CHD9: variants seen among roughly 807,000 people sequenced by gnomAD.
The protein encoded by CHD9 is chromodomain helicase DNA binding protein 9.
In CHD9, 77 loss-of-function variants were observed where a neutral mutation model predicts 316.1. The observed-to-expected ratio is 0.24, with a 90% CI of 0.20 to 0.29. The LOEUF is 0.29. Among genes scored for constraint, CHD9 ranks in the 10% least tolerant of loss-of-function variants. The pLI is 1.00. For missense variants in CHD9, 2,763 were observed against 3,438.1 expected, an observed-to-expected ratio of 0.80 and a Z score of 4.91; for synonymous variants, 1,129 against 1,158.3, an observed-to-expected ratio of 0.97 and a Z score of 0.51.
chr16:53,304,673 CTTTTCTTTTCTTTT>C, intron 31 of CHD9, 48 bp downstream of exon 31: 1 of 1,144,244 alleles, frequency 8.7e-7, no homozygotes, highest in Non-Finnish European at 1.2e-6. Context: ...CTTTTCTTTT[CTTTTCTTTTCTTTT>C]CTTTTCTTTT....
intron 1 of CHD9, among the ~76,000 whole-genome samples, chr16:53,128,734 G>C (rs2039084287): frequency 6.6e-6 from 1 of 152,158 alleles, no homozygotes; most frequent in Non-Finnish European, 1.5e-5. Flanking sequence ...AGAAACCACA[G>C]TTACTGAGAA....
At chr16:53,229,499 C>T (rs1754969107) in intron 8 of CHD9, among the ~76,000 whole-genome samples, 1 of 152,130 alleles carries the variant, frequency 6.6e-6, no homozygotes, top group Non-Finnish European at 1.5e-5. Flanking sequence ...TGTATGTGAA[C>T]AGAACCTCTG....
chr16:53,317,854 G>A (rs2056996143), intron 36 of CHD9, among the ~76,000 whole-genome samples: 1 of 152,032 alleles, frequency 6.6e-6, no homozygotes, highest in African/African-American at 2.4e-5. Context: ...AAGAGTTCAA[G>A]ATCAGCCTGG....
At chr16:53,229,923 T>C (rs1203719509) in intron 8 of CHD9, among the ~76,000 whole-genome samples, 1 of 152,206 alleles carries the variant, frequency 6.6e-6, no homozygotes, top group East Asian at 1.9e-4. Flanking sequence ...CTAGTGTTTT[T>C]ATAACAAAAA....
chr16:53,080,642 T>C (rs988120729), intron 1 of CHD9, among the ~76,000 whole-genome samples: 1 of 152,136 alleles, frequency 6.6e-6, no homozygotes, highest in African/African-American at 2.4e-5. Flanking sequence ...CAAAAAGAAA[T>C]CTGTTGAGCC....
At chr16:53,142,344 C>A (rs141178183) in intron 1 of CHD9, among the ~76,000 whole-genome samples, 2 of 152,320 alleles carry the variant, frequency 1.3e-5, no homozygotes, top group East Asian at 3.9e-4. Flanking sequence ...TCAAGAGATC[C>A]GCCTGCCTTG....
intron 15 of CHD9, 110 bp from the exon 16 acceptor site, chr16:53,247,182 GA>G (rs2152959244): frequency 2.7e-6 from 2 of 740,356 alleles, no homozygotes; most frequent in Non-Finnish European, 4.4e-6. Flanking sequence ...CATGCCATTA[GA>G]AAATTATGTT....
intron 32 of CHD9, among the ~76,000 whole-genome samples, chr16:53,307,293 C>T (rs371412469): frequency 2.0e-5 from 3 of 152,126 alleles, no homozygotes; most frequent in African/African-American, 7.2e-5. Context: ...TTGTGAGACA[C>T]GGTCTTACTC....
chr16:53,290,153 A>C (rs544042103), intron 27 of CHD9, among the ~76,000 whole-genome samples: 61 of 152,300 alleles, frequency 4.0e-4, no homozygotes, highest in Non-Finnish European at 7.6e-4. Context: ...ATGTACCTGT[A>C]ATCCCAGCTA....
chr16:53,109,247 G>A (rs1286167611), intron 1 of CHD9, among the ~76,000 whole-genome samples: 2 of 152,160 alleles, frequency 1.3e-5, no homozygotes, highest in African/African-American at 4.8e-5. Context: ...TTAGTGACAC[G>A]TCTCCTGAGG....
At chr16:53,240,651 G>T (rs899154714) in intron 12 of CHD9, among the ~76,000 whole-genome samples, 1 of 150,120 alleles carries the variant, frequency 6.7e-6, no homozygotes, top group Non-Finnish European at 1.5e-5. Flanking sequence ...TTACATTATC[G>T]AATAGCTTGA....
Position 53,156,059 on chromosome 16 carries a change from G to T in CHD9, c.-31G>T, listed in dbSNP as rs748388497. ...AAGCTGAATATACTCCATTTGGAGT[G>T]AACAGCCCGGATTGTTACAGAATTT... On this transcript the variant is annotated 5_prime_UTR_variant, in exon 2 of 39. The change abolishes the stop of an existing upstream ORF in the 5' untranslated region. Transcript: ENST00000447540. The T allele has an allele frequency of 3.1e-6, 5 of 1,588,176 alleles. No homozygotes were observed. In the East Asian group the frequency reaches 8.9e-5, roughly 28 times the overall value.
chr16:53,257,709 T>A (rs1243439106), intron 19 of CHD9, among the ~76,000 whole-genome samples: 2 of 152,134 alleles, frequency 1.3e-5, no homozygotes, highest in Non-Finnish European at 2.9e-5. Flanking sequence ...CTAGGAGAGT[T>A]GCCTGGGACA....
chr16:53,306,586 C>T (rs1318813541), intron 32 of CHD9, among the ~76,000 whole-genome samples, 189 bp downstream of exon 32: 3 of 152,150 alleles, frequency 2.0e-5, no homozygotes, highest in Non-Finnish European at 4.4e-5. Flanking sequence ...GTATGCTTCT[C>T]AACATAACTT....
chr16:53,300,127 G>A (rs999037467), intron 30 of CHD9, among the ~76,000 whole-genome samples: 4 of 152,208 alleles, frequency 2.6e-5, no homozygotes, highest in Non-Finnish European at 5.9e-5. Context: ...GCCGAGGCAG[G>A]CGGATCACAA....
At chr16:53,122,735 C>T (rs1376094659) in intron 1 of CHD9, among the ~76,000 whole-genome samples, 2 of 151,874 alleles carry the variant, frequency 1.3e-5, no homozygotes, top group Admixed American at 1.3e-4. Flanking sequence ...GAGACGGAGT[C>T]TCGCTCTGTC....
At position 53,144,645 on chromosome 16, in the gene CHD9, C is replaced by T. The variant is rs201129530; in HGVS notation, c.-164-11281C>T. Among the ~76,000 whole-genome samples, 34 of 152,020 alleles carry T rather than the reference C, an allele frequency of 2.2e-4. No individual in the cohort carries two copies. The East Asian group carries it at 6.6e-3, about 30-fold the overall frequency. ...CCGGGTTCAAGCGATTCTCCCGCCT[C>T]AGCCTCCCGAGTAGCTGGGACTACA... On this transcript the variant is annotated intron_variant, in intron 1 of 38. Coordinates refer to ENST00000447540, the MANE Select transcript of CHD9 (RefSeq NM_001308319.2).
At chr16:53,123,707 G>T (rs2038846619) in intron 1 of CHD9, among the ~76,000 whole-genome samples, 1 of 151,906 alleles carries the variant, frequency 6.6e-6, no homozygotes, top group African/African-American at 2.4e-5. Flanking sequence ...TCACTATGTT[G>T]TCCATGCTGG....
intron 1 of CHD9, among the ~76,000 whole-genome samples, chr16:53,119,995 G>A (rs188704977): frequency 1.3e-5 from 2 of 151,962 alleles, no homozygotes; most frequent in Admixed American, 6.6e-5. Context: ...GGAGGCTGAC[G>A]CAGGAGGGTT....
Sources: allele counts gnomAD v4.1 joint callset (sites outside exome capture counted in the v4.1 genomes callset), GRCh38; gene constraint gnomAD v4.1.1; transcripts MANE v1.5; gene names NCBI Gene and HGNC (gene_info 2026-07-23, HGNC 2026-07-21).